SLIT3: variants seen among roughly 807,000 people sequenced by gnomAD.
SLIT3 encodes the protein slit homolog 3 protein.
SLIT3 carries 68 observed loss-of-function variants against 184.0 expected under a neutral mutation model. That is an observed-to-expected ratio of 0.37 (90% CI 0.30 to 0.45). The LOEUF is 0.45. SLIT3 is among the 20% of genes least tolerant of loss of function. The pLI, the probability that SLIT3 is intolerant of heterozygous loss-of-function variation, is 1.00. For missense variants in SLIT3, 1,707 were observed against 2,026.0 expected, an observed-to-expected ratio of 0.84 and a Z score of 3.02; for synonymous variants, 831 against 828.6, an observed-to-expected ratio of 1.00 and a Z score of -0.05.
intron 8 of SLIT3, among the ~76,000 whole-genome samples, chr5:168,814,707 G>T (rs1561947441): frequency 6.6e-6 from 1 of 152,188 alleles, no homozygotes; most frequent in Non-Finnish European, 1.5e-5. Flanking sequence ...AACGCATTAG[G>T]TTGGTGCAAA....
At chr5:169,119,242 C>T (rs1760796239) in intron 4 of SLIT3, among the ~76,000 whole-genome samples, 1 of 152,166 alleles carries the variant, frequency 6.6e-6, no homozygotes, top group Non-Finnish European at 1.5e-5. Context: ...ACACCTGGAA[C>T]CTATTCAAAA....
chr5:169,148,947 T>G (rs1265491238), intron 4 of SLIT3, among the ~76,000 whole-genome samples: 1 of 152,060 alleles, frequency 6.6e-6, no homozygotes, highest in Non-Finnish European at 1.5e-5. Context: ...CTGTGCTCAG[T>G]GTACATCTAC....
intron 4 of SLIT3, among the ~76,000 whole-genome samples, chr5:169,173,068 GCTGA>G (rs1178987819): frequency 5.9e-5 from 9 of 152,092 alleles, no homozygotes; most frequent in Non-Finnish European, 1.2e-4. Flanking sequence ...TCGAGACCAG[GCTGA>G]CTAACATGAT....
chr5:169,286,294 C>T (rs976388446), intron 1 of SLIT3, among the ~76,000 whole-genome samples: 9 of 152,076 alleles, frequency 5.9e-5, no homozygotes, highest in East Asian at 1.9e-4. Flanking sequence ...TAAGAAACAC[C>T]GACTGCTATT....
At chr5:169,078,201 G>C (rs1319168774) in intron 4 of SLIT3, among the ~76,000 whole-genome samples, 1 of 152,078 alleles carries the variant, frequency 6.6e-6, no homozygotes, top group Non-Finnish European at 1.5e-5. Context: ...CATCGATAAG[G>C]GGCTTATGTC....
intron 7 of SLIT3, among the ~76,000 whole-genome samples, chr5:168,818,870 G>A (rs192330147): frequency 6.6e-6 from 1 of 152,384 alleles, no homozygotes; most frequent in Admixed American, 6.5e-5. Flanking sequence ...TGGGGCCTTG[G>A]CCGCCGCAGG....
intron 6 of SLIT3, among the ~76,000 whole-genome samples, chr5:168,824,852 C>T (rs1757648329): frequency 6.6e-6 from 1 of 152,190 alleles, no homozygotes; most frequent in South Asian, 2.1e-4. Context: ...CTTTGGAAGC[C>T]TTCATGGGTT....
At chr5:169,250,049 A>T (rs1163730563) in intron 2 of SLIT3, among the ~76,000 whole-genome samples, 2 of 152,230 alleles carry the variant, frequency 1.3e-5, no homozygotes, top group African/African-American at 4.8e-5. Flanking sequence ...GCTTTCTATA[A>T]TGTGAATACA....
chr5:169,224,283 C>T (rs1764718786), intron 3 of SLIT3, among the ~76,000 whole-genome samples: 1 of 152,150 alleles, frequency 6.6e-6, no homozygotes, highest in African/African-American at 2.4e-5. Context: ...TAGAAAATTA[C>T]TATGATAGGA....
intron 1 of SLIT3, among the ~76,000 whole-genome samples, chr5:169,258,702 C>T (rs1003832000): frequency 6.6e-6 from 1 of 152,150 alleles, no homozygotes; most frequent in South Asian, 2.1e-4. Flanking sequence ...GAATTCAGAA[C>T]AACACTGGAA....
intron 4 of SLIT3, among the ~76,000 whole-genome samples, chr5:168,924,009 G>C (rs1423509739): frequency 6.6e-6 from 1 of 152,224 alleles, no homozygotes; most frequent in Non-Finnish European, 1.5e-5. Context: ...AGACTGTCTG[G>C]CCTGCAAAGC....
chr5:168,884,555 T>TATATATAG (rs1760110490), intron 4 of SLIT3, among the ~76,000 whole-genome samples: 1 of 104,626 alleles, frequency 9.6e-6, no homozygotes, highest in African/African-American at 3.4e-5. Flanking sequence ...ACGAGATATA[T>TATATATAG]ATATATATAT....
At chr5:169,282,651 G>A (rs1581136619) in intron 1 of SLIT3, among the ~76,000 whole-genome samples, 1 of 152,034 alleles carries the variant, frequency 6.6e-6, no homozygotes, top group Admixed American at 6.6e-5. Flanking sequence ...ATATTGCATC[G>A]TGGTTGTCAT....
At chr5:169,231,208 A>C (rs906466895) in intron 3 of SLIT3, among the ~76,000 whole-genome samples, 8 of 152,158 alleles carry the variant, frequency 5.3e-5, no homozygotes, top group Non-Finnish European at 7.3e-5. Context: ...CTCTTTTTAA[A>C]ATAAATTTTT....
intron 4 of SLIT3, among the ~76,000 whole-genome samples, chr5:169,003,201 C>T (rs575405279): frequency 1.2e-4 from 19 of 152,312 alleles, no homozygotes; most frequent in African/African-American, 4.1e-4. Flanking sequence ...TGTCTGAGCA[C>T]GCACAAACAA....
chr5:169,084,634 GA>G (rs1759215689), intron 4 of SLIT3, among the ~76,000 whole-genome samples: 1 of 152,112 alleles, frequency 6.6e-6, no homozygotes, highest in Non-Finnish European at 1.5e-5. Flanking sequence ...TTACACACAT[GA>G]AATCAAATGT....
chr5:169,140,020 A>G (rs1010900468), intron 4 of SLIT3, among the ~76,000 whole-genome samples: 2 of 152,148 alleles, frequency 1.3e-5, no homozygotes, highest in African/African-American at 4.8e-5. Flanking sequence ...CATCACAGCC[A>G]GAAATGGGTC....
intron 4 of SLIT3, among the ~76,000 whole-genome samples, chr5:168,981,523 C>A (rs958141338): frequency 3.9e-5 from 6 of 152,246 alleles, no homozygotes; most frequent in African/African-American, 1.4e-4. Flanking sequence ...CAAATCCTCA[C>A]CAGAGGAGCC....
chr5:168,713,803 C>T (rs1762635435), intron 23 of SLIT3, among the ~76,000 whole-genome samples: 1 of 152,234 alleles, frequency 6.6e-6, no homozygotes. Flanking sequence ...CTGAGCCCCA[C>T]TTCCAAAGAT....
Sources: gnomAD v4.1 joint callset for allele counts (sites outside exome capture counted in the v4.1 genomes callset) on GRCh38, gnomAD v4.1.1 for gene constraint, MANE v1.5 for transcripts, NCBI Gene and HGNC (gene_info 2026-07-23, HGNC 2026-07-21) for gene names.